The following MAGI2 variants were observed in gnomAD, a reference collection of about 807,000 sequenced individuals.
The protein encoded by MAGI2 is membrane-associated guanylate kinase, WW and PDZ domain-containing protein 2.
In MAGI2, 35 loss-of-function variants were observed where a neutral mutation model predicts 133.3. The ratio of observed to expected loss-of-function variants is 0.26; its 90% CI spans 0.20 to 0.35. The LOEUF (loss-of-function observed/expected upper bound fraction) is 0.35, where lower values mean the gene tolerates loss of function less well. MAGI2 is among the 10% of genes least tolerant of loss of function. The pLI, the probability that MAGI2 is intolerant of heterozygous loss-of-function variation, is 1.00. For missense variants in MAGI2, 1,636 were observed against 1,863.4 expected (o/e 0.88, Z 2.25); for synonymous variants, 729 against 710.6 (o/e 1.03, Z -0.41).
At chr7:78,789,120 T>A (rs948496035) in intron 2 of MAGI2, among the ~76,000 whole-genome samples, 3 of 152,174 alleles carry the variant, frequency 2.0e-5, no homozygotes, top group Admixed American at 6.5e-5. Flanking sequence ...CTTCCATTTT[T>A]AAAAAATATA....
intron 1 of MAGI2, among the ~76,000 whole-genome samples, chr7:79,055,845 A>G (rs1813102212): frequency 6.6e-6 from 1 of 152,180 alleles, no homozygotes; most frequent in Non-Finnish European, 1.5e-5. Flanking sequence ...CTCTGCACAC[A>G]ACCTCTTGGT....
intron 1 of MAGI2, among the ~76,000 whole-genome samples, chr7:79,382,400 G>C (rs1413160341): frequency 6.6e-6 from 1 of 151,394 alleles, no homozygotes; most frequent in Non-Finnish European, 1.5e-5. Flanking sequence ...AGAATCTCAG[G>C]ATGTAAATCT....
At chr7:79,365,530 C>T (rs952289044) in intron 1 of MAGI2, among the ~76,000 whole-genome samples, 2 of 152,072 alleles carry the variant, frequency 1.3e-5, no homozygotes, top group Non-Finnish European at 2.9e-5. Flanking sequence ...TGGGATACTA[C>T]TCAGCAACAA....
chr7:79,094,106 G>A (rs1488872071), intron 1 of MAGI2, among the ~76,000 whole-genome samples: 1 of 152,212 alleles, frequency 6.6e-6, no homozygotes, highest in Non-Finnish European at 1.5e-5. Flanking sequence ...AAATTTGATA[G>A]TTCCCACAGA....
chr7:78,029,220 C>T (rs186605212), intron 21 of MAGI2, among the ~76,000 whole-genome samples: 9 of 152,212 alleles, frequency 5.9e-5, no homozygotes, highest in Non-Finnish European at 1.2e-4. Flanking sequence ...GAGGTGTGAG[C>T]ACAGGTTAGG....
chr7:78,105,250 T>A (rs912580896), intron 20 of MAGI2, among the ~76,000 whole-genome samples: 1 of 152,290 alleles, frequency 6.6e-6, no homozygotes, highest in Admixed American at 6.5e-5. Context: ...AGTAACCATT[T>A]TCTTGTTGAT....
At chr7:78,097,343 A>G (rs1301301498) in intron 20 of MAGI2, among the ~76,000 whole-genome samples, 3 of 152,180 alleles carry the variant, frequency 2.0e-5, no homozygotes, top group Non-Finnish European at 4.4e-5. Context: ...AAGTCATCCT[A>G]TAATAAAGAC....
At chr7:78,785,702 T>A (rs1354582908) in intron 2 of MAGI2, among the ~76,000 whole-genome samples, 1 of 152,226 alleles carries the variant, frequency 6.6e-6, no homozygotes, top group Non-Finnish European at 1.5e-5. Context: ...AGGTGTATCA[T>A]CTAACTTATT....
At chr7:78,339,595 TG>T (rs79296885) in intron 9 of MAGI2, among the ~76,000 whole-genome samples, 10,556 of 152,228 alleles carry the variant, frequency 0.069, 491 homozygotes, top group South Asian at 0.13. Context: ...TCAAAAGCAC[TG>T]GGGGAGTCTT....
In MAGI2 at chr7:78,903,696, T is replaced by A. The variant is rs146923446; in HGVS notation, c.418+103394A>T. On this transcript the variant is annotated intron_variant, in intron 2 of 21. Coordinates refer to ENST00000354212, the MANE Select transcript of MAGI2 (RefSeq NM_012301.4). Reference sequence around the variant, plus strand: ...CTGACATACATTTTGACATACAGAATTTTTTTACCACCTCTCTTTGTCACC... The same window carrying A: ...CTGACATACATTTTGACATACAGAAATTTTTTACCACCTCTCTTTGTCACC... 7.3e-3 allele frequency among the ~76,000 whole-genome samples: 1,112 copies of A among 152,140 alleles called. 9 individuals carry two copies. Among genetic ancestry groups the A allele is most frequent in the Non-Finnish European group, 0.013 (861 of 68,000 alleles).
intron 2 of MAGI2, among the ~76,000 whole-genome samples, chr7:78,767,724 C>T (rs557759441): frequency 3.9e-5 from 6 of 152,132 alleles, no homozygotes; most frequent in Non-Finnish European, 7.4e-5. Flanking sequence ...AATATGTTTG[C>T]CTGAAACTTA....
intron 6 of MAGI2, among the ~76,000 whole-genome samples, chr7:78,388,851 G>T (rs998608802): frequency 6.6e-6 from 1 of 152,030 alleles, no homozygotes; most frequent in Non-Finnish European, 1.5e-5. Flanking sequence ...TCACAAATCA[G>T]AATCACGTCG....
At chr7:78,215,962 T>C (rs1003755289) in intron 10 of MAGI2, among the ~76,000 whole-genome samples, 2 of 152,232 alleles carry the variant, frequency 1.3e-5, no homozygotes, top group African/African-American at 4.8e-5. Context: ...TTTGGCACAA[T>C]TTTTCTGGTA....
intron 10 of MAGI2, among the ~76,000 whole-genome samples, chr7:78,207,310 G>A (rs896386561): frequency 2.6e-5 from 4 of 152,008 alleles, no homozygotes; most frequent in African/African-American, 9.7e-5. Context: ...CAGGGATTAT[G>A]GAGAAACTCT....
chr7:79,429,548 G>A (rs768122064), intron 1 of MAGI2, among the ~76,000 whole-genome samples: 10 of 151,994 alleles, frequency 6.6e-5, no homozygotes, highest in South Asian at 2.1e-4. Context: ...CAAGTGATCC[G>A]CCTGCTGTAG....
At chr7:78,714,514 T>G (rs1266410421) in intron 2 of MAGI2, among the ~76,000 whole-genome samples, 1 of 152,158 alleles carries the variant, frequency 6.6e-6, no homozygotes, top group Non-Finnish European at 1.5e-5. Flanking sequence ...GCTCTTCACA[T>G]ATAGGCAACA....
Position 78,018,934 on chromosome 7 carries a change from C to T in MAGI2, c.*381G>A. The T allele has an allele frequency of 2.5e-6, 1 of 392,850 alleles. No homozygotes were observed. Among genetic ancestry groups the T allele is most frequent in the Non-Finnish European group, 4.5e-6 (1 of 222,630 alleles). 24.3% of individuals were successfully genotyped at this position (392,850 alleles called of 1,614,324 possible). Reference sequence around the variant, plus strand: ...AAGGCGATATTCCAGTTTGTGATTGCTCTTAACTTTGTCCTGTTTCTTGAT... The same window carrying T: ...AAGGCGATATTCCAGTTTGTGATTGTTCTTAACTTTGTCCTGTTTCTTGAT... On this transcript the variant is annotated 3_prime_UTR_variant, in exon 22 of 22. Transcript: ENST00000354212.
In MAGI2 at chr7:78,073,045, C is replaced by A; in HGVS notation, c.3706+5902G>T. 4 of 398,010 alleles carry A rather than the reference C, an allele frequency of 1.0e-5. No homozygotes were observed. The South Asian group carries it at 5.3e-4, about 53-fold the overall frequency. 24.7% of individuals were successfully genotyped at this position (398,010 alleles called of 1,614,324 possible). ...GGCCAGTACTGCTTCACCTGCTGCT[C>A]TAATATAATTGTTGTAAGTCATTTT... On this transcript the variant is annotated intron_variant, in intron 21 of 21. Transcript: ENST00000354212.
chr7:79,355,882 A>G (rs1427419930), intron 1 of MAGI2, among the ~76,000 whole-genome samples: 1 of 152,208 alleles, frequency 6.6e-6, no homozygotes, highest in African/African-American at 2.4e-5. Context: ...GACAATTAAC[A>G]TATTTGAGAG....
Sources: gnomAD v4.1 joint callset for allele counts (sites outside exome capture counted in the v4.1 genomes callset) on GRCh38, gnomAD v4.1.1 for gene constraint, MANE v1.5 for transcripts, NCBI Gene and HGNC (gene_info 2026-07-23, HGNC 2026-07-21) for gene names.